NEDD4L: variants seen among roughly 807,000 people sequenced by gnomAD.
The protein encoded by NEDD4L is E3 ubiquitin-protein ligase NEDD4-like.
In NEDD4L, 54 loss-of-function variants were observed where a neutral mutation model predicts 148.9. That is an observed-to-expected ratio of 0.36 (90% CI 0.29 to 0.45). The LOEUF is 0.45. NEDD4L is among the 20% of genes least tolerant of loss of function. NEDD4L has a pLI of 1.00. For synonymous variants in NEDD4L, 433 were observed against 440.7 expected, an observed-to-expected ratio of 0.98 and a Z score of 0.22; for missense variants, 856 against 1,233.8, an observed-to-expected ratio of 0.69 and a Z score of 4.59.
intron 2 of NEDD4L, among the ~76,000 whole-genome samples, chr18:58,219,597 C>T (rs1331451238): frequency 6.8e-6 from 1 of 146,878 alleles, no homozygotes; most frequent in South Asian, 2.2e-4. Context: ...CTTGCAGATG[C>T]TCCTCTGGGT....
rs368243667 is a variant in NEDD4L at position 58,066,387 on chromosome 18, G to GTTTTTTTTTTTT, written c.48+21691_48+21702dup. ...GTAAATTTAGATCCACTCTGTATTA[G>GTTTTTTTTTTTT]TTTTTTTTTTTTTTTTTTTTTTTAA... On this transcript the variant is annotated intron_variant, in intron 1 of 30. Coordinates refer to ENST00000400345, the MANE Select transcript of NEDD4L (RefSeq NM_001144967.3). Among the ~76,000 whole-genome samples, 42 of 112,116 alleles carry GTTTTTTTTTTTT rather than the reference G, an allele frequency of 3.7e-4. 1 individual carries two copies. Among genetic ancestry groups the GTTTTTTTTTTTT allele is most frequent in the African/African-American group, 9.6e-4 (32 of 33,448 alleles). The allele number at this position is 112,116 out of a possible 152,430, so 73.6% of individuals were successfully genotyped here. A position where few individuals can be genotyped will look rare whatever the true frequency, so the allele number is the denominator to read the frequency against.
intron 2 of NEDD4L, among the ~76,000 whole-genome samples, chr18:58,214,607 TTGTG>T (rs59608519): frequency 0.028 from 4,030 of 145,396 alleles, 173 homozygotes; most frequent in African/African-American, 0.094. Context: ...GCTGCTCGGT[TTGTG>T]TGTGTGTGTG....
intron 2 of NEDD4L, among the ~76,000 whole-genome samples, chr18:58,199,956 G>A (rs1452228189): frequency 6.6e-6 from 1 of 152,104 alleles, no homozygotes; most frequent in Non-Finnish European, 1.5e-5. Context: ...CTGGCTTCAG[G>A]GTACGTGGGG....
chr18:58,235,786 T>G (rs1430489139), intron 2 of NEDD4L, among the ~76,000 whole-genome samples: 3 of 152,180 alleles, frequency 2.0e-5, no homozygotes, highest in African/African-American at 7.2e-5. Context: ...CTGTGGGTGT[T>G]TTCTTTTAAG....
intron 5 of NEDD4L, among the ~76,000 whole-genome samples, chr18:58,261,901 C>T (rs904113509): frequency 6.6e-6 from 1 of 152,120 alleles, no homozygotes; most frequent in Admixed American, 6.5e-5. Context: ...TGGGAAAAAG[C>T]AGGAAATTCA....
intron 19 of NEDD4L, among the ~76,000 whole-genome samples, chr18:58,361,824 T>G (rs1252282315): frequency 6.6e-6 from 1 of 152,144 alleles, no homozygotes; most frequent in Non-Finnish European, 1.5e-5. Flanking sequence ...ACAAGCTAAC[T>G]TGTAAGCCAG....
chr18:58,047,386 C>G, intron 1 of NEDD4L: 1 of 985,086 alleles, frequency 1.0e-6, no homozygotes. Context: ...CTCATAAAGA[C>G]TGTTGAGCTC....
chr18:58,290,784 T>C (rs1034323950), intron 5 of NEDD4L, among the ~76,000 whole-genome samples: 5 of 152,158 alleles, frequency 3.3e-5, no homozygotes, highest in Non-Finnish European at 7.4e-5. Context: ...CTTTGTGTCC[T>C]ATAGAGACTT....
At chr18:58,389,382 C>T (rs1472683357) in intron 28 of NEDD4L, 190 bp downstream of exon 28, 4 of 519,024 alleles carry the variant, frequency 7.7e-6, no homozygotes, top group Non-Finnish European at 1.4e-5. Context: ...GTAACTGTAG[C>T]AGACAGCTAG....
Position 58,333,858 on chromosome 18 carries a change from C to G in NEDD4L, c.1031C>G (p.Thr344Ser), listed in dbSNP as rs1451132596. 1 of 1,613,732 alleles carries G rather than the reference C, an allele frequency of 6.2e-7. No homozygotes were observed. The highest frequency in any genetic ancestry group is 8.5e-7 in the Non-Finnish European group (1 of 1,179,816). The stretch of plus-strand genomic sequence containing the variant: ...TCAAGGTTGAGGTCATGCAGTGTCA[C>G]CGACGCAGTTGCAGAACAGGGCCAT... ...PSSRLRSCSV[T>S]DAVAEQGHLP... The change falls in exon 12 of 31, where the codon ACC (threonine) becomes AGC (serine). Residue 344 changes from threonine (T) to serine (S), a missense_variant. Physicochemically the swap from Thr to Ser is moderately conservative, Grantham distance 58. This residue lies in a region of NEDD4L where 367 missense variants were observed against 422.7 expected (regional missense o/e 0.87). Coordinates refer to ENST00000400345, the MANE Select transcript of NEDD4L (RefSeq NM_001144967.3).
chr18:58,058,143 TAAAAATAC>T (rs1441905394), intron 1 of NEDD4L, among the ~76,000 whole-genome samples: 1 of 152,092 alleles, frequency 6.6e-6, no homozygotes, highest in African/African-American at 2.4e-5. Flanking sequence ...CCGTCTCTAC[TAAAAATAC>T]AAAAATTAGC....
At chr18:58,226,468 A>G (rs528813521) in intron 2 of NEDD4L, among the ~76,000 whole-genome samples, 3 of 152,198 alleles carry the variant, frequency 2.0e-5, no homozygotes, top group Non-Finnish European at 4.4e-5. Flanking sequence ...CTGGCAAATG[A>G]TGTTTTGCAA....
intron 1 of NEDD4L, among the ~76,000 whole-genome samples, chr18:58,107,847 G>A (rs993825145): frequency 2.0e-5 from 3 of 152,116 alleles, no homozygotes; most frequent in Admixed American, 1.3e-4. Context: ...CAAGTAATTG[G>A]GACTACAGGT....
At chr18:58,369,591 C>T (rs914340002) in intron 22 of NEDD4L, among the ~76,000 whole-genome samples, 1 of 152,182 alleles carries the variant, frequency 6.6e-6, no homozygotes, top group Non-Finnish European at 1.5e-5. Flanking sequence ...CATAGGGCCA[C>T]GCTGAGCCGG....
intron 1 of NEDD4L, among the ~76,000 whole-genome samples, chr18:58,163,896 G>T (rs1031307836): frequency 3.3e-5 from 5 of 152,066 alleles, no homozygotes; most frequent in Non-Finnish European, 7.4e-5. Flanking sequence ...CCCTGCCATT[G>T]TTCTCTTCGA....
intron 2 of NEDD4L, among the ~76,000 whole-genome samples, chr18:58,185,302 G>T (rs2039342168): frequency 6.6e-6 from 1 of 152,140 alleles, no homozygotes; most frequent in Non-Finnish European, 1.5e-5. Context: ...ATTTCAAAGG[G>T]AATGGTACCT....
At chr18:58,385,413 C>A in intron 25 of NEDD4L, 113 bp from the exon 26 acceptor site, 1 of 846,564 alleles carries the variant, frequency 1.2e-6, no homozygotes. Context: ...AGAGGAGACC[C>A]TCCCCTCTGC....
chr18:58,372,939 CCACTGTGCAT>C (rs1233888191), intron 23 of NEDD4L, among the ~76,000 whole-genome samples: 1 of 152,150 alleles, frequency 6.6e-6, no homozygotes, highest in Admixed American at 6.5e-5. Flanking sequence ...TAGGTGCCTT[CCACTGTGCAT>C]CACTAAGGAC....
intron 2 of NEDD4L, among the ~76,000 whole-genome samples, chr18:58,240,406 T>A (rs894748855): frequency 6.6e-6 from 1 of 152,146 alleles, no homozygotes; most frequent in African/African-American, 2.4e-5. Flanking sequence ...ATCATTAGGA[T>A]CCCTGAGGAC....
Sources: allele counts gnomAD v4.1 joint callset (sites outside exome capture counted in the v4.1 genomes callset), GRCh38; gene constraint gnomAD v4.1.1; regional missense constraint gnomAD v4.1.1; transcripts MANE v1.5; gene names NCBI Gene and HGNC (gene_info 2026-07-23, HGNC 2026-07-21).